Variants in VWA3B observed in about 807,000 individuals in gnomAD.
VWA3B encodes von Willebrand factor A domain-containing protein 3B.
In VWA3B, 138 loss-of-function variants were observed where a neutral mutation model predicts 158.3. The observed-to-expected ratio is 0.87, with a 90% CI of 0.76 to 1.00. The LOEUF is 1.00. Ranked by LOEUF, VWA3B falls within the 50% of genes least tolerant of loss-of-function variation. The probability of loss-of-function intolerance (pLI) is 0.00; values close to 1 mark genes in which losing one functional copy is unlikely to be tolerated. For synonymous variants in VWA3B, 596 were observed against 587.3 expected, an observed-to-expected ratio of 1.01 and a Z score of -0.21; for missense variants, 1,555 against 1,565.1, an observed-to-expected ratio of 0.99 and a Z score of 0.11.
chr2:98,277,186 C>T (rs1232558342), intron 22 of VWA3B, among the ~76,000 whole-genome samples: 2 of 152,194 alleles, frequency 1.3e-5, no homozygotes, highest in African/African-American at 2.4e-5. Context: ...GAGATGGCCA[C>T]TTGGCTCACT....
rs1260629363 is a variant in VWA3B at position 98,236,439 on chromosome 2, A to G, written c.2478A>G (p.Glu826=). 9 of 1,614,222 alleles carry G rather than the reference A, an allele frequency of 5.6e-6. No homozygotes were observed. The highest frequency in any genetic ancestry group is 7.6e-6 in the Non-Finnish European group (9 of 1,180,040). Residue 826 remains glutamate, a synonymous_variant, in exon 18 of 28, where the codon GAA becomes GAG. Transcript: ENST00000477737. ...AGTGGCTGGATGACAAATCGTCAGA[A>G]AAGGTGACGCGAGAAGGAAGCCAGG... is the stretch of plus-strand genomic sequence containing the variant. ...AEEWLDDKSS[E]KVTREGSQVY...
intron 20 of VWA3B, 146 bp downstream of exon 20, chr2:98,250,582 CT>C: frequency 1.5e-6 from 1 of 649,274 alleles, no homozygotes; most frequent in South Asian, 2.3e-5. Context: ...TAGTTCATGC[CT>C]GTAATCCCAG....
rs941224325 is a variant in VWA3B, at chr2:98,212,031, A to G, written c.1836+3A>G. On this transcript the variant is annotated splice_donor_region_variant and intron_variant, in intron 13 of 27. Coordinates refer to ENST00000477737, the MANE Select transcript of VWA3B (RefSeq NM_144992.5). ...TGACCGATGGGAGACCTGATCAGGT[A>G]CTTACCAGAGCTGGGAACAAAGAGG... The G allele has an allele frequency of 7.4e-6, 12 of 1,613,480 alleles. No individual in the cohort carries two copies. The African/African-American group carries it at 1.5e-4, about 20-fold the overall frequency.
At chr2:98,294,294 C>A (rs1689671236) in intron 23 of VWA3B, among the ~76,000 whole-genome samples, 1 of 147,282 alleles carries the variant, frequency 6.8e-6, no homozygotes, top group Non-Finnish European at 1.5e-5. Context: ...TTTCTGGTAA[C>A]TGTTGTTCAA....
In VWA3B at chr2:98,119,892, A is replaced by G. The variant is rs775903969; in HGVS notation, c.542+129A>G. 1.2e-5 allele frequency: 14 copies of G among 1,194,050 alleles called. No homozygotes were observed. In the South Asian group the frequency reaches 1.4e-4, roughly 12 times the overall value. 74.0% of individuals were successfully genotyped at this position (1,194,050 alleles called of 1,614,324 possible). ...AAGAGGCATTATCTTATACTTTCCT[A>G]GAAGATGTAATTTCAGCAGCAATCC... On this transcript the variant is annotated intron_variant, in intron 4 of 27. Transcript: ENST00000477737.
chr2:98,163,091 C>T, intron 8 of VWA3B, 115 bp downstream of exon 8: 1 of 1,505,418 alleles, frequency 6.6e-7, no homozygotes, highest in Non-Finnish European at 8.9e-7. Context: ...CTGCGAGGGG[C>T]TGCTGAGGAG....
intron 19 of VWA3B, among the ~76,000 whole-genome samples, chr2:98,240,440 A>G (rs1686006020): frequency 1.3e-5 from 2 of 152,162 alleles, no homozygotes; most frequent in Admixed American, 1.3e-4. Context: ...GCACATGTAT[A>G]AGTCTGGCTT....
At chr2:98,269,954 C>G (rs1688097602) in intron 21 of VWA3B, among the ~76,000 whole-genome samples, 1 of 152,154 alleles carries the variant, frequency 6.6e-6, no homozygotes, top group South Asian at 2.1e-4. Context: ...ATAAGTGATG[C>G]TTTCAGCAAT....
intron 22 of VWA3B, among the ~76,000 whole-genome samples, chr2:98,275,231 A>G (rs1257051129): frequency 6.6e-6 from 1 of 152,250 alleles, no homozygotes; most frequent in Non-Finnish European, 1.5e-5. Context: ...AAGAACAAAC[A>G]CAGAAGAGGC....
chr2:98,313,300 G>C (rs1342298591), downstream of VWA3B: 1 of 150,880 alleles, frequency 6.6e-6, no homozygotes, highest in Non-Finnish European at 1.5e-5. Context: ...AAAAAAATAA[G>C]GGACATGCGC....
At chr2:98,298,276 C>T (rs771857649) in intron 24 of VWA3B, among the ~76,000 whole-genome samples, 26 of 152,308 alleles carry the variant, frequency 1.7e-4, no homozygotes, top group Non-Finnish European at 3.2e-4. Context: ...CTTGTTTGCA[C>T]TGCACCTTGA....
At chr2:98,142,819 G>C (rs1254150252) in intron 7 of VWA3B, among the ~76,000 whole-genome samples, 1 of 152,156 alleles carries the variant, frequency 6.6e-6, no homozygotes, top group Non-Finnish European at 1.5e-5. Context: ...AGTCTCTTGA[G>C]TGAGGCATGC....
chr2:98,180,607 C>A (rs185378987), intron 8 of VWA3B, among the ~76,000 whole-genome samples: 2 of 152,322 alleles, frequency 1.3e-5, no homozygotes, highest in African/African-American at 4.8e-5. Flanking sequence ...AGTGGAGTGA[C>A]TCACCCAAGT....
At chr2:98,194,845 G>A (rs554574025) in intron 12 of VWA3B, among the ~76,000 whole-genome samples, 4 of 151,940 alleles carry the variant, frequency 2.6e-5, no homozygotes, top group African/African-American at 9.7e-5. Flanking sequence ...TGTTGCAAAC[G>A]GTATATTGCA....
chr2:98,316,901 C>T (rs1446980039), downstream of VWA3B, among the ~76,000 whole-genome samples: 3 of 152,124 alleles, frequency 2.0e-5, no homozygotes, highest in Non-Finnish European at 2.9e-5. Context: ...TTCCTGAGGC[C>T]TCCCCAGAAG....
rs1269695363 is a variant in VWA3B at position 98,108,327 on chromosome 2, A to G, written c.197-7325A>G. On this transcript the variant is annotated intron_variant, in intron 2 of 27. Coordinates refer to ENST00000477737, the MANE Select transcript of VWA3B (RefSeq NM_144992.5). ...CCATGAATACTTGAAAAGAGTGTGT[A>G]TTCTGCTGTTGTTTTATAGAGCTTT... Among the ~76,000 whole-genome samples the G allele has an allele frequency of 2.0e-5, 3 of 152,146 alleles. No homozygotes were observed. In the East Asian group the frequency reaches 5.8e-4, roughly 29 times the overall value.
intron 6 of VWA3B, chr2:98,133,562 C>A: frequency 4.6e-6 from 2 of 438,854 alleles, no homozygotes; most frequent in East Asian, 3.9e-5. Context: ...CCAAGAAATA[C>A]CATTTGGTTG....
chr2:98,088,307 A>G (rs1409769056), intron 1 of VWA3B, among the ~76,000 whole-genome samples: 1 of 152,190 alleles, frequency 6.6e-6, no homozygotes, highest in South Asian at 2.1e-4. Context: ...TCTAAACTGG[A>G]TTAATGGACT....
chr2:98,252,048 T>C (rs1352759496), intron 20 of VWA3B, among the ~76,000 whole-genome samples: 3 of 152,202 alleles, frequency 2.0e-5, no homozygotes, highest in Admixed American at 6.5e-5. Flanking sequence ...TCTCCGGTTA[T>C]GCTGCTGTCC....
Sources: gnomAD v4.1 joint callset for allele counts (sites outside exome capture counted in the v4.1 genomes callset) on GRCh38, gnomAD v4.1.1 for gene constraint, MANE v1.5 for transcripts, NCBI Gene and HGNC (gene_info 2026-07-23, HGNC 2026-07-21) for gene names.